The following BTG4 variants were observed in gnomAD, a reference collection of about 807,000 sequenced individuals.
BTG4 encodes protein BTG4.
BTG4 carries 10 observed loss-of-function variants against 19.3 expected under a neutral mutation model. The observed-to-expected ratio is 0.52, with a 90% confidence interval of 0.32 to 0.88. The LOEUF is 0.88. Among genes scored for constraint, BTG4 ranks in the 40% least tolerant of loss-of-function variants. The pLI is 0.04. For synonymous variants in BTG4, 91 were observed against 95.7 expected (o/e 0.95, Z 0.29); for missense variants, 238 against 281.9 (o/e 0.84, Z 1.11).
chr11:111,442,222 C>A, the BTG4 span, among the ~76,000 whole-genome samples: 2 of 151,852 alleles, frequency 1.3e-5, no homozygotes, highest in Admixed American at 1.3e-4. Flanking sequence ...GAGATGAGAT[C>A]AGGTGCGGTG....
the BTG4 span, among the ~76,000 whole-genome samples, chr11:111,429,206 C>T: frequency 6.6e-6 from 1 of 152,164 alleles, no homozygotes; most frequent in Non-Finnish European, 1.5e-5. Flanking sequence ...CAAAAACCTA[C>T]TTTTGAGGGA....
intron 1 of BTG4, among the ~76,000 whole-genome samples, chr11:111,504,485 A>G (rs1866308412): frequency 5.3e-5 from 8 of 152,106 alleles, no homozygotes; most frequent in Admixed American, 5.2e-4. Context: ...TGTATTTTCT[A>G]TCTGCATTAC....
At chr11:111,402,618 C>A in the BTG4 span, among the ~76,000 whole-genome samples, 15 of 152,166 alleles carry the variant, frequency 9.9e-5, no homozygotes, top group Non-Finnish European at 1.5e-4. Context: ...ATGGAACAAG[C>A]CTCCTGTACC....
At chr11:111,387,078 A>G in the BTG4 span, among the ~76,000 whole-genome samples, 135 of 152,350 alleles carry the variant, frequency 8.9e-4, 1 homozygote, top group African/African-American at 3.1e-3. Flanking sequence ...TTGATAGGCT[A>G]GTATAGAGTT....
chr11:111,428,846 C>G, the BTG4 span, among the ~76,000 whole-genome samples: 1 of 152,096 alleles, frequency 6.6e-6, no homozygotes, highest in African/African-American at 2.4e-5. Context: ...TCGTGGTAAC[C>G]AGGAATACAG....
chr11:111,489,086 C>T (rs1003286639), intron 5 of BTG4, among the ~76,000 whole-genome samples: 10 of 150,972 alleles, frequency 6.6e-5, no homozygotes, highest in African/African-American at 1.7e-4. Context: ...GACGTTGTGG[C>T]GAACTGAGGT....
At chr11:111,405,387 A>G in the BTG4 span, among the ~76,000 whole-genome samples, 81 of 122,398 alleles carry the variant, frequency 6.6e-4, no homozygotes, top group Non-Finnish European at 1.1e-3. Flanking sequence ...CTGGGCAACA[A>G]GAGCAAGACT....
At chr11:111,388,039 T>G in the BTG4 span, among the ~76,000 whole-genome samples, 1 of 152,190 alleles carries the variant, frequency 6.6e-6, no homozygotes, top group Non-Finnish European at 1.5e-5. Flanking sequence ...TAAAAATACT[T>G]ATTGAGCACA....
the BTG4 span, among the ~76,000 whole-genome samples, chr11:111,395,686 C>A: frequency 6.6e-6 from 1 of 152,238 alleles, no homozygotes; most frequent in Non-Finnish European, 1.5e-5. Context: ...GCCCCAAATT[C>A]AGTGAAGAGG....
the BTG4 span, among the ~76,000 whole-genome samples, chr11:111,428,307 T>A: frequency 2.0e-5 from 3 of 151,498 alleles, no homozygotes; most frequent in Non-Finnish European, 4.4e-5. Flanking sequence ...CCCTACACCC[T>A]TCTCTATGAT....
At chr11:111,453,897 T>C in the BTG4 span, among the ~76,000 whole-genome samples, 17,562 of 152,254 alleles carry the variant, frequency 0.12, 1,070 homozygotes, top group Middle Eastern at 0.18. Flanking sequence ...AGGTATTTAT[T>C]GTATGTCACA....
chr11:111,410,183 CTTT>C, the BTG4 span, among the ~76,000 whole-genome samples: 1 of 148,958 alleles, frequency 6.7e-6, no homozygotes, highest in South Asian at 2.2e-4. Context: ...TTCTGAAACT[CTTT>C]TTTTTTTTAT....
the BTG4 span, among the ~76,000 whole-genome samples, chr11:111,437,017 C>T: frequency 3.3e-5 from 5 of 152,288 alleles, no homozygotes; most frequent in South Asian, 2.1e-4. Context: ...GCCCTGTCTG[C>T]GGAGACTTTT....
At chr11:111,427,353 G>A in the BTG4 span, among the ~76,000 whole-genome samples, 63 of 152,226 alleles carry the variant, frequency 4.1e-4, no homozygotes, top group South Asian at 1.2e-3. Flanking sequence ...GGCCCATGGC[G>A]GTCAAGAATA....
chr11:111,458,298 C>T, the BTG4 span: 1 of 130,864 alleles, frequency 7.6e-6, no homozygotes, highest in Non-Finnish European at 1.7e-5. Flanking sequence ...TGCTTTGATG[C>T]TCCTAGGCCC....
intron 1 of BTG4, among the ~76,000 whole-genome samples, chr11:111,504,836 A>C (rs1330125303): frequency 1.3e-5 from 2 of 152,056 alleles, no homozygotes; most frequent in East Asian, 3.9e-4. Flanking sequence ...ATTGAAGCTG[A>C]GAACCAAATT....
chr11:111,448,118 C>T, the BTG4 span, among the ~76,000 whole-genome samples: 4 of 152,236 alleles, frequency 2.6e-5, no homozygotes, highest in African/African-American at 7.2e-5. Context: ...TAGCTGTCTT[C>T]TGCCATGCCC....
chr11:111,399,656 G>A, the BTG4 span, among the ~76,000 whole-genome samples: 5,848 of 152,234 alleles, frequency 0.038, 423 homozygotes, highest in African/African-American at 0.13. Flanking sequence ...AGTTTTAAGC[G>A]GGCTTGGTCT....
At chr11:111,470,342 C>G (rs1179355164) in intron 5 of BTG4, among the ~76,000 whole-genome samples, 1 of 152,108 alleles carries the variant, frequency 6.6e-6, no homozygotes, top group Non-Finnish European at 1.5e-5. Context: ...CCTCAGTGTT[C>G]CCAAAGTTCT....
Sources: gnomAD v4.1 joint callset for allele counts (sites outside exome capture counted in the v4.1 genomes callset) on GRCh38, gnomAD v4.1.1 for gene constraint, MANE v1.5 for transcripts, NCBI Gene and HGNC (gene_info 2026-07-23, HGNC 2026-07-21) for gene names.